Variants in TMEM108 observed in about 807,000 individuals in gnomAD.
The protein encoded by TMEM108 is transmembrane protein 108.
Under a neutral mutation model 35.1 loss-of-function variants are expected in TMEM108, and 12 were observed. That is an observed-to-expected ratio of 0.34 (90% CI 0.22 to 0.55). TMEM108 has a LOEUF of 0.55. Ranked by LOEUF, TMEM108 falls within the 20% of genes least tolerant of loss-of-function variation. TMEM108 has a pLI of 0.89. For missense variants in TMEM108, 680 were observed against 753.3 expected (o/e 0.90, Z 1.14); for synonymous variants, 287 against 308.6 (o/e 0.93, Z 0.73).
chr3:133,172,432 A>G (rs1468663001), intron 2 of TMEM108, among the ~76,000 whole-genome samples: 1 of 152,240 alleles, frequency 6.6e-6, no homozygotes, highest in East Asian at 1.9e-4. Context: ...ATGACATGGT[A>G]GGTACCATTT....
chr3:133,341,114 A>C (rs1279594647), intron 3 of TMEM108, among the ~76,000 whole-genome samples: 1 of 151,908 alleles, frequency 6.6e-6, no homozygotes, highest in Non-Finnish European at 1.5e-5. Flanking sequence ...GAAGAAGTCA[A>C]ATTATCCTTG....
At chr3:133,131,300 CTTATT>C (rs1323815118) in intron 2 of TMEM108, among the ~76,000 whole-genome samples, 2 of 151,896 alleles carry the variant, frequency 1.3e-5, no homozygotes, top group Non-Finnish European at 1.5e-5. Context: ...ACACGCACAC[CTTATT>C]TTATTATGCT....
intron 3 of TMEM108, among the ~76,000 whole-genome samples, chr3:133,230,135 G>A (rs1013855708): frequency 6.6e-6 from 1 of 152,214 alleles, no homozygotes; most frequent in Non-Finnish European, 1.5e-5. Context: ...GTTATTGTTT[G>A]TCTTGTTCTT....
At chr3:133,330,275 G>A (rs896917382) in intron 3 of TMEM108, among the ~76,000 whole-genome samples, 1 of 152,196 alleles carries the variant, frequency 6.6e-6, no homozygotes, top group Admixed American at 6.5e-5. Flanking sequence ...ATGGAGAGCA[G>A]CTGCAGGGGA....
At chr3:133,353,522 A>G (rs1185083358) in intron 3 of TMEM108, among the ~76,000 whole-genome samples, 2 of 152,198 alleles carry the variant, frequency 1.3e-5, no homozygotes, top group African/African-American at 4.8e-5. Flanking sequence ...GGGCCCCATG[A>G]CAAGGACTGC....
chr3:133,113,240 T>C (rs989455430), intron 2 of TMEM108, among the ~76,000 whole-genome samples: 2 of 152,214 alleles, frequency 1.3e-5, no homozygotes, highest in African/African-American at 4.8e-5. Context: ...GTGCACCTGC[T>C]TTGGTTCAGC....
chr3:133,274,663 G>A (rs544482575), intron 3 of TMEM108, among the ~76,000 whole-genome samples: 5 of 152,334 alleles, frequency 3.3e-5, no homozygotes, highest in African/African-American at 1.2e-4. Context: ...ACTGCCTCCT[G>A]TAGGAGAGCT....
chr3:133,378,100 C>T (rs74352489), intron 3 of TMEM108, among the ~76,000 whole-genome samples: 9,906 of 152,234 alleles, frequency 0.065, 468 homozygotes, highest in African/African-American at 0.13. Context: ...TAGTCTAGAT[C>T]ATGAATGAAA....
chr3:133,308,057 C>G (rs1257157194), intron 3 of TMEM108, among the ~76,000 whole-genome samples: 1 of 152,086 alleles, frequency 6.6e-6, no homozygotes, highest in Admixed American at 6.5e-5. Flanking sequence ...TTGTAGTTCT[C>G]CTTGAAGAGG....
Position 133,262,918 on chromosome 3 carries a change from A to C in TMEM108, c.40+33567A>C, listed in dbSNP as rs1340989030. 3.9e-5 allele frequency among the ~76,000 whole-genome samples: 6 copies of C among 152,256 alleles called. No individual in the cohort carries two copies. In the East Asian group the frequency reaches 1.2e-3, roughly 29 times the overall value. ...GAATAGATTCCTGAAGTATATGATT[A>C]TAAATCAAATTTTTGTCCTGAATAC... On this transcript the variant is annotated intron_variant, in intron 3 of 5. Transcript: ENST00000321871.
chr3:133,394,817 A>G (rs2073282747), intron 5 of TMEM108, among the ~76,000 whole-genome samples: 1 of 134,138 alleles, frequency 7.5e-6, no homozygotes, highest in African/African-American at 2.5e-5. Flanking sequence ...TGATTCATAC[A>G]GCAGTAAGTA....
intron 2 of TMEM108, among the ~76,000 whole-genome samples, chr3:133,204,926 G>A (rs896803095): frequency 6.6e-6 from 1 of 152,102 alleles, no homozygotes; most frequent in Admixed American, 6.5e-5. Context: ...CTATTATTTT[G>A]TGGGAGTCTA....
chr3:133,184,563 A>G (rs1166864671), intron 2 of TMEM108, among the ~76,000 whole-genome samples: 12 of 152,238 alleles, frequency 7.9e-5, no homozygotes, highest in Admixed American at 5.9e-4. Flanking sequence ...AAGTGTTGTT[A>G]AAGAAAACTT....
chr3:133,158,465 TAAAAAAA>T lies in TMEM108; in HGVS notation c.-46-70783_-46-70777del, dbSNP rs11328701. ...CCTGGCAACAGAGTGAGACTCTGTCTAAAAAAAAAAAAAAAAAAAAAAAAGAAAAGAA... is the reference window on the plus strand; with the variant it reads ...CCTGGCAACAGAGTGAGACTCTGTCTAAAAAAAAAAAAAAAAAGAAAAGAA... On this transcript the variant is annotated intron_variant, in intron 2 of 5. Coordinates refer to ENST00000321871, the MANE Select transcript of TMEM108 (RefSeq NM_023943.4). 1.4e-4 allele frequency among the ~76,000 whole-genome samples: 11 copies of T among 80,622 alleles called. No homozygotes were observed. The East Asian group carries it at 3.2e-3, about 23-fold the overall frequency. The allele number at this position is 80,622 out of a possible 152,430, so 52.9% of individuals were successfully genotyped here. A position where few individuals can be genotyped will look rare whatever the true frequency, so the allele number is the denominator to read the frequency against.
intron 2 of TMEM108, among the ~76,000 whole-genome samples, chr3:133,111,520 AAC>A (rs1265616460): frequency 2.0e-5 from 3 of 152,120 alleles, no homozygotes; most frequent in Non-Finnish European, 4.4e-5. Context: ...CCCATTTTCC[AAC>A]AGTTTTATCA....
intron 2 of TMEM108, among the ~76,000 whole-genome samples, chr3:133,128,939 C>T (rs1018460502): frequency 1.4e-4 from 21 of 152,106 alleles, no homozygotes; most frequent in African/African-American, 4.8e-4. Flanking sequence ...GGTTGTTGGC[C>T]AAACACCTAA....
At chr3:133,155,764 G>A (rs958977867) in intron 2 of TMEM108, among the ~76,000 whole-genome samples, 1 of 152,084 alleles carries the variant, frequency 6.6e-6, no homozygotes, top group East Asian at 1.9e-4. Context: ...CAGATGTATA[G>A]TTTGCAGATA....
At chr3:133,325,306 A>G (rs1342461486) in intron 3 of TMEM108, among the ~76,000 whole-genome samples, 1 of 152,166 alleles carries the variant, frequency 6.6e-6, no homozygotes, top group Non-Finnish European at 1.5e-5. Flanking sequence ...AGAATGATAT[A>G]ATGGATTTTG....
At chr3:133,198,877 G>A (rs558893092) in intron 2 of TMEM108, among the ~76,000 whole-genome samples, 1 of 152,248 alleles carries the variant, frequency 6.6e-6, no homozygotes, top group East Asian at 1.9e-4. Context: ...AAACACTCCT[G>A]CAGAGTGTTT....
Sources: allele counts gnomAD v4.1 joint callset (sites outside exome capture counted in the v4.1 genomes callset), GRCh38; gene constraint gnomAD v4.1.1; transcripts MANE v1.5; gene names NCBI Gene and HGNC (gene_info 2026-07-23, HGNC 2026-07-21).